The following FAM220A variants were observed in gnomAD, a reference collection of about 807,000 sequenced individuals.
FAM220A encodes family with sequence similarity 220 member A, also known as protein FAM220A.
For synonymous variants in FAM220A, 141 were observed against 130.7 expected (o/e 1.08, Z -0.54); for missense variants, 392 against 321.6 (o/e 1.22, Z -1.68).
chr7:6,337,070 A>ATTTTT (rs1343393975), intron 1 of FAM220A, among the ~76,000 whole-genome samples: 1 of 151,050 alleles, frequency 6.6e-6, no homozygotes, highest in Non-Finnish European at 1.5e-5. Context: ...AGGTATTTTA[A>ATTTTT]TTCTTTTTTT....
Position 6,330,608 on chromosome 7 carries a change from A to C in FAM220A, c.547T>G (p.Leu183Val). The C allele has an allele frequency of 6.2e-7, 1 of 1,614,134 alleles. No homozygotes were observed. Among genetic ancestry groups the C allele is most frequent in the South Asian group, 1.1e-5 (1 of 91,080 alleles). Residue 183 changes from leucine to valine, a missense_variant, in exon 2 of 2, where the codon TTG becomes GTG. Transcript: ENST00000313324. Reference protein sequence around the residue: ...SAFPKGLGSELEPACLHSILS... With the variant: ...SAFPKGLGSEVEPACLHSILS... ...ATGGAGTGCAGGCAAGCGGGTTCCA[A>C]CTCAGAGCCCAGACCCTTGGGAAAA...
intron 1 of FAM220A, among the ~76,000 whole-genome samples, chr7:6,343,382 AAAT>A (rs1411908493): frequency 8.6e-5 from 12 of 138,776 alleles, no homozygotes; most frequent in Admixed American, 2.3e-4. Flanking sequence ...CGTCTCAAAA[AAAT>A]AATAATAATT....
At position 6,330,653 on chromosome 7, in the gene FAM220A, G is replaced by C; in HGVS notation, c.502C>G (p.Gln168Glu). 6.2e-7 allele frequency: 1 copy of C among 1,614,126 alleles called. No homozygotes were observed. Among genetic ancestry groups the C allele is most frequent in the South Asian group, 1.1e-5 (1 of 91,080 alleles). ...HQKVPEMGSF[Q>E]DDPPSAFPKG... ...GGAAAAGCACTTGGTGGGTCATCCTGAAAACTTCCCATTTCCGGCACTTTT... is the reference window on the plus strand; with the variant it reads ...GGAAAAGCACTTGGTGGGTCATCCTCAAAACTTCCCATTTCCGGCACTTTT... The change falls in exon 2 of 2, where the codon CAG becomes GAG. Residue 168 changes from glutamine (Q) to glutamate (E), a missense_variant. Gln to Glu is a conservative substitution (Grantham distance 29). Coordinates refer to ENST00000313324, the MANE Select transcript of FAM220A (RefSeq NM_001037163.2).
Position 6,330,541 on chromosome 7 carries a change from C to G in FAM220A, c.614G>C (p.Ser205Thr), listed in dbSNP as rs1160544394. The G allele has an allele frequency of 6.2e-7, 1 of 1,614,008 alleles. No homozygotes were observed. The highest frequency in any genetic ancestry group is 8.5e-7 in the Non-Finnish European group (1 of 1,180,018). The change falls in exon 2 of 2, where the codon AGT becomes ACT. Residue 205 changes from serine to threonine, a missense_variant. Coordinates refer to ENST00000313324, the MANE Select transcript of FAM220A (RefSeq NM_001037163.2). ...TLHVYPEVLLSEETKRIFLDR... is the reference protein window; with the variant it reads ...TLHVYPEVLLTEETKRIFLDR... Reference sequence around the variant, plus strand: ...AAGGAAAATGCGTTTTGTCTCCTCACTCAGGAGCACTTCGGGATACACGTG... The same window carrying G: ...AAGGAAAATGCGTTTTGTCTCCTCAGTCAGGAGCACTTCGGGATACACGTG...
At chr7:6,333,810 T>C (rs1305028670) in intron 1 of FAM220A, among the ~76,000 whole-genome samples, 1 of 151,112 alleles carries the variant, frequency 6.6e-6, no homozygotes, top group Non-Finnish European at 1.5e-5. Context: ...TCTCCCCATG[T>C]TGCCTAGAAT....
intron 1 of FAM220A, among the ~76,000 whole-genome samples, chr7:6,334,081 C>T (rs565726474): frequency 1.5e-4 from 23 of 151,304 alleles, no homozygotes; most frequent in South Asian, 2.1e-4. Flanking sequence ...CTCCTGACCT[C>T]GTGATCCGCC....
In FAM220A at chr7:6,330,527, G is replaced by T. The variant is rs772710171; in HGVS notation, c.628C>A (p.Arg210Ser). 2 of 1,614,154 alleles carry T rather than the reference G, an allele frequency of 1.2e-6. No individual in the cohort carries two copies. The highest frequency in any genetic ancestry group is 2.2e-5 in the South Asian group (2 of 91,092). ...PEVLLSEETK[R>S]IFLDRLKPMF... ...GGCTTTAAACGGTCAAGGAAAATGC[G>T]TTTTGTCTCCTCACTCAGGAGCACT... The change falls in exon 2 of 2, where the codon CGC becomes AGC. Residue 210 changes from arginine (R) to serine (S), a missense_variant. By Grantham distance (110) the Arg-to-Ser change is moderately radical (BLOSUM62 -1). Transcript: ENST00000313324.
chr7:6,333,727 G>A (rs1207248119), intron 1 of FAM220A, among the ~76,000 whole-genome samples: 2 of 149,628 alleles, frequency 1.3e-5, no homozygotes, highest in East Asian at 4.0e-4. Context: ...AGAAAGGAAA[G>A]TGCACTTCGA....
At chr7:6,332,176 T>A (rs1243301621) in intron 1 of FAM220A, among the ~76,000 whole-genome samples, 3 of 151,798 alleles carry the variant, frequency 2.0e-5, no homozygotes, top group Non-Finnish European at 4.4e-5. Context: ...TGACTGGGCA[T>A]GCTACCTAGT....
chr7:6,331,477 G>GC (rs1554259594), intron 1 of FAM220A, among the ~76,000 whole-genome samples: 2 of 151,098 alleles, frequency 1.3e-5, no homozygotes, highest in African/African-American at 4.9e-5. Flanking sequence ...TAAGGTTTTT[G>GC]TTTTTTTGAG....
intron 1 of FAM220A, among the ~76,000 whole-genome samples, chr7:6,346,250 C>G (rs1781949818): frequency 6.6e-6 from 1 of 152,140 alleles, no homozygotes; most frequent in African/African-American, 2.4e-5. Flanking sequence ...TCACTCAATT[C>G]AAGCCACCTG....
At position 6,347,473 on chromosome 7, in the gene FAM220A, G is replaced by A. The variant is rs187062153; in HGVS notation, c.-82+1100C>T. The stretch of plus-strand genomic sequence containing the variant: ...AGAGGTTGCAGTGAGCTGAGATGGC[G>A]CCACCGCACTCCAGCTTGGGCAAGA... On this transcript the variant is annotated intron_variant, in intron 1 of 1. Transcript: ENST00000313324. 1.3e-3 allele frequency among the ~76,000 whole-genome samples: 195 copies of A among 151,772 alleles called. 1 individual carries two copies. The highest frequency in any genetic ancestry group is 4.5e-3 in the African/African-American group (185 of 41,396).
chr7:6,336,068 G>C (rs759106847), intron 1 of FAM220A, among the ~76,000 whole-genome samples: 1 of 151,836 alleles, frequency 6.6e-6, no homozygotes, highest in Admixed American at 6.6e-5. Flanking sequence ...AGCTACTCAG[G>C]AGGCTGAGGC....
rs111793544 is a variant in FAM220A at position 6,333,996 on chromosome 7, G to A, written c.-81-2761C>T. ...CAAGTAGCTGGGACTACAGGCACCC[G>A]CCACCACGCCCGGCTAATTTTTCGT... On this transcript the variant is annotated intron_variant, in intron 1 of 1. Transcript: ENST00000313324. Among the ~76,000 whole-genome samples, 95 of 151,174 alleles carry A rather than the reference G, an allele frequency of 6.3e-4. 1 individual carries two copies. In the East Asian group the frequency reaches 0.012, roughly 19 times the overall value.
intron 1 of FAM220A, among the ~76,000 whole-genome samples, chr7:6,342,584 G>A (rs1196054227): frequency 1.3e-5 from 2 of 152,058 alleles, no homozygotes; most frequent in African/African-American, 4.8e-5. Flanking sequence ...AGTTACATAT[G>A]ATCCAGCAAT....
chr7:6,333,567 C>G (rs552056560), intron 1 of FAM220A, among the ~76,000 whole-genome samples: 2 of 152,232 alleles, frequency 1.3e-5, no homozygotes, highest in East Asian at 3.9e-4. Context: ...GGCGTGATCA[C>G]AGCTCACTGC....
chr7:6,347,882 C>CTTT (rs1163457442), intron 1 of FAM220A, among the ~76,000 whole-genome samples: 3 of 92,030 alleles, frequency 3.3e-5, no homozygotes, highest in African/African-American at 1.2e-4. Context: ...AACGAGACCC[C>CTTT]TTTATTATTA....
At chr7:6,335,252 C>G (rs1036182098) in intron 1 of FAM220A, among the ~76,000 whole-genome samples, 2 of 150,948 alleles carry the variant, frequency 1.3e-5, no homozygotes, top group African/African-American at 4.9e-5. Context: ...AATGGAGTCT[C>G]GCTCTTGTTG....
chr7:6,345,164 C>G (rs1379709247), intron 1 of FAM220A, among the ~76,000 whole-genome samples: 1 of 152,090 alleles, frequency 6.6e-6, no homozygotes, highest in African/African-American at 2.4e-5. Context: ...GTTGCCCAGG[C>G]TGGTGTGCAG....
Sources: gnomAD v4.1 joint callset for allele counts (sites outside exome capture counted in the v4.1 genomes callset) on GRCh38, gnomAD v4.1.1 for gene constraint, MANE v1.5 for transcripts, NCBI Gene and HGNC (gene_info 2026-07-23, HGNC 2026-07-21) for gene names.